Variants in NCAM1 observed in about 807,000 individuals in gnomAD.
NCAM1 encodes antigen recognized by monoclonal antibody 5.1H11.
NCAM1 carries 14 observed loss-of-function variants against 109.8 expected under a neutral mutation model. That is an observed-to-expected ratio of 0.13 (90% confidence interval 0.08 to 0.20). NCAM1 has a LOEUF of 0.20. Among genes scored for constraint, NCAM1 ranks in the 10% least tolerant of loss-of-function variants. NCAM1 has a pLI of 1.00. For missense variants in NCAM1, 774 were observed against 1,109.9 expected (o/e 0.70, Z 4.30); for synonymous variants, 418 against 442.9 (o/e 0.94, Z 0.70).
intron 1 of NCAM1, among the ~76,000 whole-genome samples, chr11:113,018,901 T>C (rs1952294553): frequency 6.6e-6 from 1 of 152,154 alleles, no homozygotes; most frequent in African/African-American, 2.4e-5. Context: ...TTTCCAATGT[T>C]GGACTTTTTA....
chr11:113,170,390 T>C (rs1328740835), intron 1 of NCAM1, among the ~76,000 whole-genome samples: 5 of 152,262 alleles, frequency 3.3e-5, no homozygotes, highest in African/African-American at 1.2e-4. Flanking sequence ...TAGCCAGTCC[T>C]CTTTGGTTTT....
At chr11:113,027,778 G>GT (rs2135311182) in intron 1 of NCAM1, among the ~76,000 whole-genome samples, 1 of 152,294 alleles carries the variant, frequency 6.6e-6, no homozygotes, top group Non-Finnish European at 1.5e-5. Context: ...CTAAGAAGGA[G>GT]TTTCTTTAAT....
chr11:113,132,568 T>G, intron 1 of NCAM1, among the ~76,000 whole-genome samples: 1 of 149,264 alleles, frequency 6.7e-6, no homozygotes, highest in African/African-American at 2.5e-5. Context: ...TTAAGGGGGT[T>G]CAGATGAGTT....
At chr11:113,223,487 T>G (rs1490951284) in intron 9 of NCAM1, among the ~76,000 whole-genome samples, 1 of 152,124 alleles carries the variant, frequency 6.6e-6, no homozygotes, top group African/African-American at 2.4e-5. Context: ...CACGCAACTG[T>G]TTTCTAAGCT....
intron 1 of NCAM1, among the ~76,000 whole-genome samples, chr11:113,028,557 A>G (rs782596852): frequency 1.3e-5 from 2 of 152,166 alleles, no homozygotes; most frequent in African/African-American, 2.4e-5. Context: ...AAAGGTGTCT[A>G]TATAATACCT....
In NCAM1 at chr11:113,231,676, A is replaced by C. The variant is rs1310133406; in HGVS notation, c.1121A>C (p.His374Pro). Reference protein sequence around the residue: ...TLDGHMVVRSHARVSSLTLKS... With the variant: ...TLDGHMVVRSPARVSSLTLKS... ...GATGGGCACATGGTGGTGCGTAGCCATGCCCGTGTGTCGTCGCTGACCCTG... is the reference window on the plus strand; with the variant it reads ...GATGGGCACATGGTGGTGCGTAGCCCTGCCCGTGTGTCGTCGCTGACCCTG... The change falls in exon 10 of 20, where the codon CAT (histidine) becomes CCT (proline). Residue 374 changes from histidine (H) to proline (P), a missense_variant. His to Pro is a moderately conservative substitution (Grantham distance 77). Coordinates refer to ENST00000316851, the MANE Select transcript of NCAM1 (RefSeq NM_181351.5). 45 of 1,606,076 alleles carry C rather than the reference A, an allele frequency of 2.8e-5. No individual in the cohort carries two copies. The highest frequency in any genetic ancestry group is 3.8e-5 in the Non-Finnish European group (45 of 1,176,092).
intron 1 of NCAM1, among the ~76,000 whole-genome samples, chr11:113,117,167 C>T (rs1203522990): frequency 4.6e-5 from 7 of 151,966 alleles, no homozygotes; most frequent in African/African-American, 9.7e-5. Context: ...TATTTCATCT[C>T]ATCTGCATAA....
intron 16 of NCAM1, among the ~76,000 whole-genome samples, chr11:113,257,061 T>G (rs1426520821): frequency 6.6e-6 from 1 of 152,212 alleles, no homozygotes; most frequent in African/African-American, 2.4e-5. Flanking sequence ...AGAGGCCTTG[T>G]TCCCACTTAA....
chr11:113,149,590 A>C (rs142585974), intron 1 of NCAM1, among the ~76,000 whole-genome samples: 1 of 152,182 alleles, frequency 6.6e-6, no homozygotes, highest in Non-Finnish European at 1.5e-5. Context: ...GATCTCCACA[A>C]TTTCTATTTC....
intron 1 of NCAM1, among the ~76,000 whole-genome samples, chr11:113,189,449 CAA>C (rs10712434): frequency 0.011 from 1,239 of 117,996 alleles, 11 homozygotes; most frequent in South Asian, 0.034. Flanking sequence ...GATTCTGTCT[CAA>C]AAAAAAAAAA....
intron 1 of NCAM1, among the ~76,000 whole-genome samples, chr11:112,983,878 G>A (rs550577200): frequency 6.6e-6 from 1 of 152,018 alleles, no homozygotes; most frequent in Admixed American, 6.6e-5. Flanking sequence ...TCACCTTTAT[G>A]TATGTATGTA....
At chr11:113,193,976 A>G (rs1943776751) in intron 1 of NCAM1, among the ~76,000 whole-genome samples, 1 of 152,088 alleles carries the variant, frequency 6.6e-6, no homozygotes, top group Non-Finnish European at 1.5e-5. Flanking sequence ...ATGAAATGCT[A>G]ATTTGACCCA....
chr11:113,078,527 A>G (rs561498492), intron 1 of NCAM1, among the ~76,000 whole-genome samples: 9 of 152,234 alleles, frequency 5.9e-5, no homozygotes, highest in African/African-American at 2.2e-4. Flanking sequence ...AACTATAGAA[A>G]GCTTTGGTCA....
At chr11:113,271,961 T>G in intron 19 of NCAM1, 85 bp downstream of exon 19, 1 of 853,782 alleles carries the variant, frequency 1.2e-6, no homozygotes, top group Admixed American at 3.4e-5. Flanking sequence ...CCCGTGCCCC[T>G]ACCCACAGCT....
At chr11:112,977,665 T>C (rs1215844018) in intron 1 of NCAM1, among the ~76,000 whole-genome samples, 1 of 151,880 alleles carries the variant, frequency 6.6e-6, no homozygotes, top group Non-Finnish European at 1.5e-5. Context: ...TTGTCATTGT[T>C]TACAAAATAC....
At chr11:113,185,977 G>A (rs1455069264) in intron 1 of NCAM1, among the ~76,000 whole-genome samples, 1 of 152,188 alleles carries the variant, frequency 6.6e-6, no homozygotes, top group African/African-American at 2.4e-5. Flanking sequence ...GCCTGCCCCC[G>A]CTGCATTTGG....
At chr11:113,209,754 GA>G (rs1944336168) in intron 7 of NCAM1, among the ~76,000 whole-genome samples, 9 of 152,230 alleles carry the variant, frequency 5.9e-5, no homozygotes, top group Admixed American at 5.9e-4. Context: ...AGCTAATGTA[GA>G]TAGTCAACGC....
chr11:113,015,241 A>G (rs922408465), intron 1 of NCAM1, among the ~76,000 whole-genome samples: 5 of 152,066 alleles, frequency 3.3e-5, no homozygotes, highest in Admixed American at 3.3e-4. Context: ...GGGCCATGTC[A>G]CTGTCCCTGA....
intron 14 of NCAM1, among the ~76,000 whole-genome samples, chr11:113,235,795 A>C (rs1405761469): frequency 6.6e-6 from 1 of 152,100 alleles, no homozygotes; most frequent in Non-Finnish European, 1.5e-5. Context: ...ATGTATCTCT[A>C]GGTTTTCCTC....
Sources: allele counts gnomAD v4.1 joint callset (sites outside exome capture counted in the v4.1 genomes callset), GRCh38; gene constraint gnomAD v4.1.1; transcripts MANE v1.5; gene names NCBI Gene and HGNC (gene_info 2026-07-23, HGNC 2026-07-21).